The following NRCAM variants were observed in gnomAD, a reference collection of about 807,000 sequenced individuals.
The protein encoded by NRCAM is neuronal cell adhesion molecule, also known as NgCAM-related cell adhesion molecule.
Under a neutral mutation model 156.5 loss-of-function variants are expected in NRCAM, and 83 were observed. The observed-to-expected ratio is 0.53, with a 90% CI of 0.44 to 0.64. The LOEUF is 0.64. NRCAM is among the 30% of genes least tolerant of loss of function. NRCAM has a pLI of 0.00. For synonymous variants in NRCAM, 538 were observed against 563.9 expected (o/e 0.95, Z 0.65); for missense variants, 1,417 against 1,597.3 (o/e 0.89, Z 1.92).
rs562506892 is a variant in NRCAM at position 108,254,209 on chromosome 7, T to C, written c.-106-14039A>G. On this transcript the variant is annotated intron_variant, in intron 3 of 32. Coordinates refer to ENST00000379028, the MANE Select transcript of NRCAM (RefSeq NM_001037132.4). Reference sequence around the variant, plus strand: ...AAATGCAAAGACAAGCCACAGACTATTTACAAATCATATATCTAATAAAGG... The same window carrying C: ...AAATGCAAAGACAAGCCACAGACTACTTACAAATCATATATCTAATAAAGG... Among the ~76,000 whole-genome samples, 115 of 152,320 alleles carry C rather than the reference T, an allele frequency of 7.5e-4. 1 individual carries two copies. The highest frequency in any genetic ancestry group is 2.7e-3 in the African/African-American group (111 of 41,568).
chr7:108,317,443 C>T (rs971108538), intron 2 of NRCAM, among the ~76,000 whole-genome samples: 3 of 152,006 alleles, frequency 2.0e-5, no homozygotes, highest in South Asian at 2.1e-4. Context: ...GTTTACTTCA[C>T]CTAGGGAAGA....
chr7:108,358,783 T>C (rs1330507223), intron 2 of NRCAM, among the ~76,000 whole-genome samples: 1 of 152,198 alleles, frequency 6.6e-6, no homozygotes, highest in Non-Finnish European at 1.5e-5. Flanking sequence ...TCTGGGTATG[T>C]GAATGCGGCA....
At chr7:108,395,150 A>T (rs537186178) in intron 2 of NRCAM, among the ~76,000 whole-genome samples, 1 of 152,316 alleles carries the variant, frequency 6.6e-6, no homozygotes, top group Admixed American at 6.5e-5. Context: ...ATTAATCCAT[A>T]TTATGCTGCC....
At chr7:108,416,255 G>C (rs1339717511) in intron 1 of NRCAM, among the ~76,000 whole-genome samples, 1 of 152,228 alleles carries the variant, frequency 6.6e-6, no homozygotes, top group Non-Finnish European at 1.5e-5. Context: ...GTAGGATAGA[G>C]ACAGCAGAAA....
At chr7:108,159,291 T>C (rs780633033) in intron 32 of NRCAM, 172 bp downstream of exon 32, 1 of 748,596 alleles carries the variant, frequency 1.3e-6, no homozygotes, top group African/African-American at 1.7e-5. Context: ...CAATGAAAAA[T>C]GAAAATGTTT....
chr7:108,180,324 C>G lies in NRCAM; in HGVS notation c.2750G>C (p.Gly917Ala). 1 of 1,614,234 alleles carries G rather than the reference C, an allele frequency of 6.2e-7. No individual in the cohort carries two copies. The highest frequency in any genetic ancestry group is 8.5e-7 in the Non-Finnish European group (1 of 1,180,038). Reference protein sequence around the residue: ...QGSKTHGMLPGLEPFSHYTLN... With the variant: ...QGSKTHGMLPALEPFSHYTLN... ...TGTGTAGTGGCTAAAGGGCTCTAGC[C>G]CCGGCAACATGCCATGAGTCTTGCT... is the stretch of plus-strand genomic sequence containing the variant. Residue 917 changes from glycine (G) to alanine (A), a missense_variant, in exon 25 of 33, where the codon GGG (glycine) becomes GCG (alanine). This residue lies in a region of NRCAM where 1,238 missense variants were observed against 1,336.4 expected (regional missense o/e 0.93). Coordinates refer to ENST00000379028, the MANE Select transcript of NRCAM (RefSeq NM_001037132.4).
At chr7:108,203,958 T>C (rs1273477767) in intron 13 of NRCAM, among the ~76,000 whole-genome samples, 1 of 152,164 alleles carries the variant, frequency 6.6e-6, no homozygotes, top group Non-Finnish European at 1.5e-5. Flanking sequence ...CTGTCACACA[T>C]GGTGGCAGAC....
intron 3 of NRCAM, among the ~76,000 whole-genome samples, chr7:108,293,805 G>A (rs1352913639): frequency 3.3e-5 from 5 of 152,094 alleles, no homozygotes; most frequent in African/African-American, 4.8e-5. Context: ...GAGAGCTTAC[G>A]TAACTTGTAT....
In NRCAM at chr7:108,161,212, TCA is replaced by T. The variant is rs148045652; in HGVS notation, c.3467-722_3467-721del. 2.9e-3 allele frequency among the ~76,000 whole-genome samples: 439 copies of T among 152,330 alleles called. 2 individuals carry two copies. Among genetic ancestry groups the T allele is most frequent in the African/African-American group, 1.0e-2 (414 of 41,582 alleles). Reference sequence around the variant, plus strand: ...TCCATTCAAAAGACCGGAATATCTCTCAGTCAGTGAACTCATTATTTGCCTAC... The same window carrying T: ...TCCATTCAAAAGACCGGAATATCTCTGTCAGTGAACTCATTATTTGCCTAC... On this transcript the variant is annotated intron_variant, in intron 30 of 32. Transcript: ENST00000379028.
chr7:108,149,961 G>A lies in NRCAM; in HGVS notation c.3864C>T (p.Asn1288=), dbSNP rs758982906. 12 of 1,613,776 alleles carry A rather than the reference G, an allele frequency of 7.4e-6. No homozygotes were observed. The East Asian group carries it at 1.3e-4, about 18-fold the overall frequency. ...CAGGAGAAGGTGCCTCTGAGCTTTC[G>A]TTTCCTTCAGCCGGCTCTTTCTCTT... The part of the protein sequence containing the change: ...GKKEKEPAEG[N]ESSEAPSPVN... The change falls in exon 33 of 33, where the codon AAC becomes AAT. Residue 1288 remains asparagine (N), a synonymous_variant. Transcript: ENST00000379028.
At chr7:108,373,421 T>A (rs2099641829) in intron 2 of NRCAM, among the ~76,000 whole-genome samples, 1 of 152,178 alleles carries the variant, frequency 6.6e-6, no homozygotes, top group African/African-American at 2.4e-5. Flanking sequence ...AGGACATGGA[T>A]ATGAAATGAA....
At chr7:108,264,416 A>C (rs1590766893) in intron 3 of NRCAM, among the ~76,000 whole-genome samples, 1 of 152,364 alleles carries the variant, frequency 6.6e-6, no homozygotes, top group African/African-American at 2.4e-5. Context: ...TTAATCAAAA[A>C]AGATACTGCA....
rs145997635 is a variant in NRCAM at position 108,184,256 on chromosome 7, C to T, written c.2289G>A (p.Leu763=). 2.4e-4 allele frequency: 381 copies of T among 1,613,918 alleles called. 1 individual carries two copies. Among genetic ancestry groups the T allele is most frequent in the African/African-American group, 1.3e-3 (94 of 75,008 alleles). The stretch of plus-strand genomic sequence containing the variant: ...CATAGCTCACCTTCCACGTAATCAC[C>T]AAATTATCAGGCTCTGATCCCAGTC... ...VEGLGSEPDN[L]VITWKPLNGF... The change falls in exon 22 of 33, where the codon TTG becomes TTA. Residue 763 remains leucine, a synonymous_variant. Transcript: ENST00000379028.
At position 108,181,911 on chromosome 7, in the gene NRCAM, G is replaced by C; in HGVS notation, c.2557C>G (p.Arg853Gly). Residue 853 changes from arginine (R) to glycine (G), a missense_variant, in exon 24 of 33, where the codon CGT becomes GGT. Arg to Gly is a moderately radical substitution (Grantham distance 125). This residue lies in a region of NRCAM where 1,238 missense variants were observed against 1,336.4 expected (regional missense o/e 0.93). Coordinates refer to ENST00000379028, the MANE Select transcript of NRCAM (RefSeq NM_001037132.4). ...DLPMVAPGNV[R>G]VNVVNSTLAE... ...AAGGTACTGTTCACCACATTCACAC[G>C]CACGTTCCCAGGAGCCACCATTGGG... is the stretch of plus-strand genomic sequence containing the variant. The C allele has an allele frequency of 6.2e-7, 1 of 1,613,962 alleles. No individual in the cohort carries two copies. The highest frequency in any genetic ancestry group is 1.6e-4 in the Middle Eastern group (1 of 6,062).
rs1415452582 is a variant in NRCAM, at chr7:108,449,879, ATTCCCTCAG to A, written c.-332+6355_-332+6363del. Among the ~76,000 whole-genome samples, 3 of 151,446 alleles carry A rather than the reference ATTCCCTCAG, an allele frequency of 2.0e-5. No individual in the cohort carries two copies. In the East Asian group the frequency reaches 5.8e-4, roughly 29 times the overall value. The stretch of plus-strand genomic sequence containing the variant: ...TACCCAGTGGAAGACCTCCTACAGG[ATTCCCTCAG>A]ATTGCCCTAGAAATAGATTTTTTTT... On this transcript the variant is annotated intron_variant, in intron 1 of 32. Coordinates refer to ENST00000379028, the MANE Select transcript of NRCAM (RefSeq NM_001037132.4).
At chr7:108,152,559 A>C (rs924814419) in intron 32 of NRCAM, among the ~76,000 whole-genome samples, 4 of 151,960 alleles carry the variant, frequency 2.6e-5, no homozygotes, top group Admixed American at 2.6e-4. Flanking sequence ...AGAATAAGTG[A>C]CATGCTCTGA....
intron 1 of NRCAM, among the ~76,000 whole-genome samples, chr7:108,432,463 T>C (rs1178068136): frequency 6.6e-6 from 1 of 152,184 alleles, no homozygotes; most frequent in Non-Finnish European, 1.5e-5. Context: ...GCTGGAACAA[T>C]GGAGGATTCT....
At chr7:108,284,093 A>AT (rs1433083635) in intron 3 of NRCAM, among the ~76,000 whole-genome samples, 1 of 152,108 alleles carries the variant, frequency 6.6e-6, no homozygotes, top group African/African-American at 2.4e-5. Context: ...AAGTGCTGGG[A>AT]TTACAGGTGT....
At chr7:108,371,412 G>C (rs2099627664) in intron 2 of NRCAM, among the ~76,000 whole-genome samples, 1 of 152,114 alleles carries the variant, frequency 6.6e-6, no homozygotes, top group African/African-American at 2.4e-5. Flanking sequence ...AGGGAATAAA[G>C]TGGAAGGGAT....
Sources: gnomAD v4.1 joint callset for allele counts (sites outside exome capture counted in the v4.1 genomes callset) on GRCh38, gnomAD v4.1.1 for gene constraint, gnomAD v4.1.1 regional missense constraint, MANE v1.5 for transcripts, NCBI Gene and HGNC (gene_info 2026-07-23, HGNC 2026-07-21) for gene names.